KCNJ16: variants seen among roughly 807,000 people sequenced by gnomAD.
KCNJ16 encodes inward rectifier potassium channel 16.
A neutral mutation model predicts 18.5 loss-of-function variants in KCNJ16; 15 were observed. The observed-to-expected ratio is 0.81, with a 90% CI of 0.54 to 1.25. KCNJ16 has a LOEUF of 1.25. Ranked by LOEUF, KCNJ16 falls within the 50% of genes most tolerant of loss-of-function variation. The pLI is 0.00. For synonymous variants in KCNJ16, 174 were observed against 186.5 expected (o/e 0.93, Z 0.55); for missense variants, 523 against 525.7 (o/e 0.99, Z 0.05).
intron 3 of KCNJ16, 83 bp downstream of exon 3, chr17:70,131,058 A>T: frequency 7.7e-7 from 1 of 1,299,938 alleles, no homozygotes; most frequent in Non-Finnish European, 1.1e-6. Context: ...ATGTCCGTGA[A>T]AGTATCAGGA....
Position 70,133,044 on chromosome 17 carries a change from G to C in KCNJ16, c.957G>C (p.Lys319Asn). The change falls in exon 4 of 4, where the codon AAG becomes AAC. Residue 319 changes from lysine to asparagine, a missense_variant. Lys to Asn is a moderately conservative substitution (Grantham distance 94). Coordinates refer to ENST00000392671, the MANE Select transcript of KCNJ16 (RefSeq NM_170741.4). ...RFNDVLEVKR[K>N]YYKVNCLQFE... ...ATGATGTCTTGGAAGTTAAGAGGAA[G>C]TATTACAAAGTGAACTGCTTACAGT... 1 of 1,614,142 alleles carries C rather than the reference G, an allele frequency of 6.2e-7. No homozygotes were observed.
chr17:70,099,988 G>A (rs2072551890), intron 1 of KCNJ16, among the ~76,000 whole-genome samples: 1 of 152,094 alleles, frequency 6.6e-6, no homozygotes, highest in South Asian at 2.1e-4. Flanking sequence ...AATAACTTTA[G>A]AATCATAAGT....
In KCNJ16 at chr17:70,100,350, C is replaced by T. The variant is rs1024192286; in HGVS notation, c.-299-308C>T. 4.6e-5 allele frequency among the ~76,000 whole-genome samples: 7 copies of T among 152,112 alleles called. No individual in the cohort carries two copies. In the East Asian group the frequency reaches 9.6e-4, roughly 21 times the overall value. Reference sequence around the variant, plus strand: ...ACGGACTATCAGAAGAATAGTGGTACAGCTTTTCTCCAAGATCAACGCCTT... The same window carrying T: ...ACGGACTATCAGAAGAATAGTGGTATAGCTTTTCTCCAAGATCAACGCCTT... On this transcript the variant is annotated intron_variant, in intron 1 of 3. Coordinates refer to ENST00000392671, the MANE Select transcript of KCNJ16 (RefSeq NM_170741.4).
intron 1 of KCNJ16, among the ~76,000 whole-genome samples, chr17:70,092,529 G>GATAGAT (rs1313728303): frequency 4.9e-5 from 3 of 61,790 alleles, no homozygotes; most frequent in Admixed American, 1.8e-4. Context: ...TAGATACATA[G>GATAGAT]ACAGATAGAT....
chr17:70,107,017 A>C (rs539526066), intron 2 of KCNJ16, among the ~76,000 whole-genome samples: 18 of 152,278 alleles, frequency 1.2e-4, no homozygotes, highest in Middle Eastern at 3.4e-3. Context: ...TAGCTGCCTC[A>C]AATCAGCCAA....
chr17:70,097,747 C>G (rs1481712350), intron 1 of KCNJ16, among the ~76,000 whole-genome samples: 2 of 152,112 alleles, frequency 1.3e-5, no homozygotes, highest in Non-Finnish European at 2.9e-5. Context: ...GCATCTGTAT[C>G]CACTCTTTCC....
intron 1 of KCNJ16, among the ~76,000 whole-genome samples, chr17:70,083,353 G>GTA (rs1555583040): frequency 6.7e-6 from 1 of 149,736 alleles, no homozygotes; most frequent in Non-Finnish European, 1.5e-5. Flanking sequence ...CCTGTATTGT[G>GTA]TGTATGTATG....
chr17:70,076,086 T>G (rs891755668), intron 1 of KCNJ16, among the ~76,000 whole-genome samples: 1 of 152,194 alleles, frequency 6.6e-6, no homozygotes, highest in Non-Finnish European at 1.5e-5. Context: ...ACATATATAA[T>G]TGAACAGTTT....
chr17:70,087,051 A>G (rs1170387026), intron 1 of KCNJ16, among the ~76,000 whole-genome samples: 3 of 141,122 alleles, frequency 2.1e-5, no homozygotes, highest in Admixed American at 7.3e-5. Flanking sequence ...GGCACCTGCC[A>G]CCACACCTAG....
chr17:70,110,035 A>G (rs896214402), intron 2 of KCNJ16, among the ~76,000 whole-genome samples: 21 of 152,180 alleles, frequency 1.4e-4, no homozygotes, highest in African/African-American at 4.8e-4. Flanking sequence ...CATTGTGATG[A>G]CAATACATAC....
At chr17:70,087,065 C>CTTT (rs142092333) in intron 1 of KCNJ16, among the ~76,000 whole-genome samples, 1,413 of 140,918 alleles carry the variant, frequency 0.01, 16 homozygotes, top group African/African-American at 0.022. Context: ...CACCTAGCTA[C>CTTT]TTTTTTTTTT....
intron 1 of KCNJ16, among the ~76,000 whole-genome samples, chr17:70,096,334 C>T (rs2072371162): frequency 6.6e-6 from 1 of 152,070 alleles, no homozygotes; most frequent in Admixed American, 6.6e-5. Context: ...GCTCTATTTT[C>T]TTAGGTCCAT....
intron 2 of KCNJ16, 91 bp from the exon 3 acceptor site, chr17:70,130,788 G>A (rs2074028658): frequency 1.6e-6 from 1 of 644,540 alleles, no homozygotes; most frequent in Non-Finnish European, 2.7e-6. Context: ...ATCCCATCTA[G>A]CACAGGTAGA....
chr17:70,081,673 A>G (rs554437541), intron 1 of KCNJ16, among the ~76,000 whole-genome samples: 1 of 151,840 alleles, frequency 6.6e-6, no homozygotes, highest in Non-Finnish European at 1.5e-5. Context: ...TTGTGTATGG[A>G]ATTTGGTTGT....
rs77887295 is a variant in KCNJ16 at position 70,102,532 on chromosome 17, G to C, written c.-191+1766G>C. Among the ~76,000 whole-genome samples the C allele has an allele frequency of 0.013, 1,935 of 152,154 alleles. 72 individuals are homozygous for C. In the South Asian group the frequency reaches 0.13, roughly 11 times the overall value. On this transcript the variant is annotated intron_variant, in intron 2 of 3. Coordinates refer to ENST00000392671, the MANE Select transcript of KCNJ16 (RefSeq NM_170741.4). ...TGAGCCACCGCTACCTGCACAAGTA[G>C]TTATTTTTAATAGCAATGACACACA...
intron 1 of KCNJ16, among the ~76,000 whole-genome samples, chr17:70,092,600 TAGATA>T (rs2072172947): frequency 6.6e-6 from 1 of 151,600 alleles, no homozygotes; most frequent in African/African-American, 2.4e-5. Flanking sequence ...GATAGATAGA[TAGATA>T]GATAGATGAG....
At chr17:70,092,983 A>T (rs1210056536) in intron 1 of KCNJ16, among the ~76,000 whole-genome samples, 1 of 152,190 alleles carries the variant, frequency 6.6e-6, no homozygotes, top group African/African-American at 2.4e-5. Flanking sequence ...ATCCTCACAG[A>T]CACACCCAGA....
At position 70,132,885 on chromosome 17, in the gene KCNJ16, T is replaced by A; in HGVS notation, c.798T>A (p.Leu266=). The A allele has an allele frequency of 6.2e-7, 1 of 1,614,180 alleles. No individual in the cohort carries two copies. Among genetic ancestry groups the A allele is most frequent in the Non-Finnish European group, 8.5e-7 (1 of 1,180,038 alleles). ...EIDHESPLYA[L]DRKAVAKDNF... Reference sequence around the variant, plus strand: ...ACCATGAGAGCCCTCTGTATGCCCTTGACCGCAAAGCAGTAGCCAAAGATA... The same window carrying A: ...ACCATGAGAGCCCTCTGTATGCCCTAGACCGCAAAGCAGTAGCCAAAGATA... The change falls in exon 4 of 4, where the codon CTT becomes CTA. Residue 266 remains leucine (L), a synonymous_variant. Transcript: ENST00000392671.
chr17:70,095,791 A>T (rs8075045), intron 1 of KCNJ16, among the ~76,000 whole-genome samples: 2 of 151,086 alleles, frequency 1.3e-5, no homozygotes, highest in Admixed American at 6.6e-5. Context: ...AAAAATGTTG[A>T]AACTGATTCA....
Sources: gnomAD v4.1 joint callset for allele counts (sites outside exome capture counted in the v4.1 genomes callset) on GRCh38, gnomAD v4.1.1 for gene constraint, MANE v1.5 for transcripts, NCBI Gene and HGNC (gene_info 2026-07-23, HGNC 2026-07-21) for gene names.